The following IFI16 variants were observed in gnomAD, a reference collection of about 807,000 sequenced individuals.
IFI16 encodes interferon gamma inducible protein 16.
In IFI16, 49 loss-of-function variants were observed where a neutral mutation model predicts 68.4. That is an observed-to-expected ratio of 0.72 (90% CI 0.57 to 0.91). The LOEUF is 0.91. Ranked by LOEUF, IFI16 falls within the 40% of genes least tolerant of loss-of-function variation. The pLI is 0.00. For synonymous variants in IFI16, 307 were observed against 315.0 expected (o/e 0.97, Z 0.27); for missense variants, 878 against 942.9 (o/e 0.93, Z 0.90).
In IFI16 at chr1:159,016,520, A is replaced by G. The variant is rs747309340; in HGVS notation, c.382-13A>G. 7 of 1,601,616 alleles carry G rather than the reference A, an allele frequency of 4.4e-6. No homozygotes were observed. The South Asian group carries it at 7.8e-5, about 18-fold the overall frequency. ...ACTGAAAACGAATAACAGGAAAATC[A>G]AACCACTTTCAGAAAAGAAAAAAAT... On this transcript the variant is annotated splice_polypyrimidine_tract_variant and intron_variant, in intron 3 of 11. Transcript: ENST00000295809.
At chr1:159,052,412 A>G (rs1655421094) in intron 10 of IFI16, 2 of 239,982 alleles carry the variant, frequency 8.3e-6, no homozygotes, top group South Asian at 9.6e-5. Flanking sequence ...ATCAACACAC[A>G]TATCCTTAGG....
At chr1:159,026,526 T>A (rs1299908746) in intron 6 of IFI16, among the ~76,000 whole-genome samples, 1 of 152,134 alleles carries the variant, frequency 6.6e-6, no homozygotes, top group Non-Finnish European at 1.5e-5. Flanking sequence ...CTCAAACTCC[T>A]GACCTCAGGT....
chr1:159,021,652 C>CT (rs1392813908), intron 6 of IFI16, among the ~76,000 whole-genome samples: 4 of 151,626 alleles, frequency 2.6e-5, no homozygotes, highest in Admixed American at 6.6e-5. Flanking sequence ...GGTAGATCTG[C>CT]TTTTTAGTTC....
intron 5 of IFI16, among the ~76,000 whole-genome samples, chr1:159,020,020 A>G (rs1038560025): frequency 6.6e-6 from 1 of 152,240 alleles, no homozygotes; most frequent in Non-Finnish European, 1.5e-5. Context: ...CCAGAGACCC[A>G]GAAAGGCTAT....
chr1:159,000,763 T>A, intron 1 of IFI16, among the ~76,000 whole-genome samples: 1 of 152,288 alleles, frequency 6.6e-6, no homozygotes, highest in African/African-American at 2.4e-5. Flanking sequence ...CATGCTGAAA[T>A]GTGATTCCCA....
intron 7 of IFI16, among the ~76,000 whole-genome samples, chr1:159,040,770 AC>A (rs1385711089): frequency 2.0e-5 from 3 of 152,204 alleles, no homozygotes; most frequent in African/African-American, 7.2e-5. Flanking sequence ...TAGGCTCTAA[AC>A]TTATTAGCTA....
At chr1:159,041,133 A>T (rs1011116) in intron 7 of IFI16, among the ~76,000 whole-genome samples, 3,162 of 152,322 alleles carry the variant, frequency 0.021, 74 homozygotes, top group East Asian at 0.067. Context: ...CGATAGAATT[A>T]TATTAGTGAA....
chr1:159,030,879 G>GGA (rs1468579333), intron 6 of IFI16, among the ~76,000 whole-genome samples: 2 of 149,938 alleles, frequency 1.3e-5, no homozygotes, highest in Non-Finnish European at 3.0e-5. Flanking sequence ...TGGTGGGTGG[G>GGA]GGGGCCACAG....
At chr1:159,008,892 A>T (rs1373099495), upstream of IFI16, 1 of 152,192 alleles carries the variant, frequency 6.6e-6, no homozygotes, top group Non-Finnish European at 1.5e-5. Flanking sequence ...GGCCTTGGAC[A>T]GTACATATTA....
At chr1:159,019,003 C>T (rs896680224) in intron 5 of IFI16, among the ~76,000 whole-genome samples, 11 of 152,154 alleles carry the variant, frequency 7.2e-5, no homozygotes, top group African/African-American at 2.7e-4. Flanking sequence ...TGATTATTAT[C>T]TCTACTGTCA....
intron 7 of IFI16, among the ~76,000 whole-genome samples, chr1:159,033,390 GT>G (rs1168642264): frequency 6.6e-6 from 1 of 152,188 alleles, no homozygotes; most frequent in African/African-American, 2.4e-5. Context: ...CATAGCTCAG[GT>G]TATATCTGTA....
chr1:159,051,529 T>C (rs1655355649), intron 9 of IFI16, 150 bp from the exon 10 acceptor site: 3 of 614,694 alleles, frequency 4.9e-6, no homozygotes, highest in Non-Finnish European at 5.8e-6. Flanking sequence ...TAAATCATAC[T>C]ATCTCAGTGA....
exon 1 of IFI16, chr1:159,000,338 A>G (rs887024494): frequency 3.6e-5 from 8 of 225,134 alleles, no homozygotes; most frequent in African/African-American, 1.6e-4. Flanking sequence ...CTTATAAGGG[A>G]TCCAAACTAT....
chr1:159,053,585 A>G lies in IFI16; in HGVS notation c.2138A>G (p.Lys713Arg). 6.2e-7 allele frequency: 1 copy of G among 1,613,598 alleles called. No homozygotes were observed. Among genetic ancestry groups the G allele is most frequent in the Non-Finnish European group, 8.5e-7 (1 of 1,179,494 alleles). The part of the protein sequence containing the change: ...TYYEIQDNTG[K>R]MEVVVHGRLT... ...TATGAAATACAAGATAATACAGGGAAGATGGAAGTGGTGGTGCATGGACGA... is the reference window on the plus strand; with the variant it reads ...TATGAAATACAAGATAATACAGGGAGGATGGAAGTGGTGGTGCATGGACGA... Residue 713 changes from lysine (K) to arginine (R), a missense_variant, in exon 11 of 12, where the codon AAG becomes AGG. Transcript: ENST00000295809.
intron 7 of IFI16, among the ~76,000 whole-genome samples, chr1:159,037,594 A>G (rs539980786): frequency 6.6e-6 from 1 of 152,190 alleles, no homozygotes; most frequent in African/African-American, 2.4e-5. Context: ...ATCAGCTACT[A>G]TATTAAAATA....
At position 159,051,686 on chromosome 1, in the gene IFI16, C is replaced by A; in HGVS notation, c.1673C>A (p.Pro558Gln). The A allele has an allele frequency of 6.2e-7, 1 of 1,608,204 alleles. No homozygotes were observed. Among genetic ancestry groups the A allele is most frequent in the Admixed American group, 1.7e-5 (1 of 59,446 alleles). The change falls in exon 10 of 12, where the codon CCA (proline) becomes CAA (glutamine). Residue 558 changes from proline to glutamine, a missense_variant. Physicochemically the swap from Pro to Gln is moderately conservative, Grantham distance 76 (BLOSUM62 -1). This residue lies in a region of IFI16 where 311 missense variants were observed against 305.1 expected (regional missense o/e 1.02). Coordinates refer to ENST00000295809, the MANE Select transcript of IFI16 (RefSeq NM_001376587.1). Reference sequence around the variant, plus strand: ...TGGTCTCTACCTTCTAAGTTGAAACCAAGACTGAAGACTGAACCTGAAGAA... The same window carrying A: ...TGGTCTCTACCTTCTAAGTTGAAACAAAGACTGAAGACTGAACCTGAAGAA... ...PSSSFLTTLK[P>Q]RLKTEPEEVS...
chr1:159,013,738 A>T (rs538083294), intron 1 of IFI16, among the ~76,000 whole-genome samples: 1 of 152,306 alleles, frequency 6.6e-6, no homozygotes, highest in East Asian at 1.9e-4. Flanking sequence ...GGCAGTAAGA[A>T]GGAACTAGCA....
In IFI16 at chr1:159,052,067, G is replaced by T. The variant is rs752226553; in HGVS notation, c.2054G>T (p.Ser685Ile). Residue 685 changes from serine (S) to isoleucine (I), a missense_variant, in exon 10 of 12, where the codon AGT (serine) becomes ATT (isoleucine). Around this residue, in one of 4 missense-constraint regions of IFI16, gnomAD observed 311 missense variants for 305.1 expected, o/e 1.02. Coordinates refer to ENST00000295809, the MANE Select transcript of IFI16 (RefSeq NM_001376587.1). ...INQLCSQTKG[S>I]FVNGVFEVHK... ...CAGCTTTGCTCACAAACTAAAGGAA[G>T]TTTTGTGAATGGGGTGTTTGAGGTA... 3 of 1,613,078 alleles carry T rather than the reference G, an allele frequency of 1.9e-6. No individual in the cohort carries two copies. Among genetic ancestry groups the T allele is most frequent in the Non-Finnish European group, 2.5e-6 (3 of 1,179,820 alleles).
chr1:159,052,371 C>T, intron 10 of IFI16: 2 of 427,538 alleles, frequency 4.7e-6, no homozygotes, highest in Non-Finnish European at 8.6e-6. Context: ...CTATTCAGAG[C>T]CACCCTTGTC....
Sources: allele counts gnomAD v4.1 joint callset (sites outside exome capture counted in the v4.1 genomes callset), GRCh38; gene constraint gnomAD v4.1.1; regional missense constraint gnomAD v4.1.1; transcripts MANE v1.5; gene names NCBI Gene and HGNC (gene_info 2026-07-23, HGNC 2026-07-21).